The following DEPDC5 variants were observed in gnomAD, a reference collection of about 807,000 sequenced individuals.
DEPDC5 encodes DEP domain containing 5, GATOR1 subcomplex subunit.
A neutral mutation model predicts 217.3 loss-of-function variants in DEPDC5; 73 were observed. That is an observed-to-expected ratio of 0.34 (90% CI 0.28 to 0.41). The LOEUF (loss-of-function observed/expected upper bound fraction) is 0.41, where lower values mean the gene tolerates loss of function less well. Ranked by LOEUF, DEPDC5 falls within the 10% of genes least tolerant of loss-of-function variation. The pLI, the probability that DEPDC5 is intolerant of heterozygous loss-of-function variation, is 1.00. For missense variants in DEPDC5, 1,675 were observed against 2,070.1 expected (o/e 0.81, Z 3.70); for synonymous variants, 733 against 756.7 (o/e 0.97, Z 0.51).
At chr22:31,790,883 A>G (rs918024941) in intron 10 of DEPDC5, among the ~76,000 whole-genome samples, 13 of 151,574 alleles carry the variant, frequency 8.6e-5, no homozygotes, top group African/African-American at 1.9e-4. Context: ...AGTAGCTGCA[A>G]TTTCAGGCGC....
chr22:31,819,341 G>A, intron 22 of DEPDC5, 116 bp downstream of exon 22: 2 of 1,119,522 alleles, frequency 1.8e-6, no homozygotes, highest in Non-Finnish European at 2.6e-6. Flanking sequence ...TGTAAGATGG[G>A]ATAACCATGC....
At chr22:31,850,153 A>C (rs2091951867) in intron 31 of DEPDC5, among the ~76,000 whole-genome samples, 1 of 152,212 alleles carries the variant, frequency 6.6e-6, no homozygotes, top group South Asian at 2.1e-4. Flanking sequence ...GCCGGGTTTT[A>C]AATTTGAAGA....
At chr22:31,803,782 A>C (rs537289965) in intron 15 of DEPDC5, among the ~76,000 whole-genome samples, 2 of 152,182 alleles carry the variant, frequency 1.3e-5, no homozygotes, top group African/African-American at 4.8e-5. Context: ...TCCTGATGCC[A>C]CTAAAGAAGC....
chr22:31,901,880 A>C, intron 41 of DEPDC5, 78 bp downstream of exon 41: 22 of 1,369,190 alleles, frequency 1.6e-5, no homozygotes, highest in Non-Finnish European at 2.2e-5. Context: ...AGTGAAACTC[A>C]TTTTTTTAGC....
At chr22:31,769,494 C>G (rs1432902604) in intron 7 of DEPDC5, 1 of 152,110 alleles carries the variant, frequency 6.6e-6, no homozygotes, top group Non-Finnish European at 1.5e-5. Context: ...GGTTTAGAAA[C>G]ATAAAATGAC....
chr22:31,837,307 A>C (rs1298276315), intron 26 of DEPDC5, 152 bp downstream of exon 26: 2 of 729,446 alleles, frequency 2.7e-6, no homozygotes, highest in East Asian at 3.0e-5. Flanking sequence ...CCGTTAAATA[A>C]AAAATTTTAA....
At position 31,886,744 on chromosome 22, in the gene DEPDC5, C is replaced by T. The variant is rs542331405; in HGVS notation, c.4034-6838C>T. ...CACTGCACTCCCGCCTGAAAAAATA[C>T]GTCTCCATCTCAAAAAAAAAAAAAA... On this transcript the variant is annotated intron_variant, in intron 38 of 42. Coordinates refer to ENST00000651528, the MANE Select transcript of DEPDC5 (RefSeq NM_001242896.3). Among the ~76,000 whole-genome samples, 18 of 117,658 alleles carry T rather than the reference C, an allele frequency of 1.5e-4. No individual in the cohort carries two copies. In the East Asian group the frequency reaches 3.6e-3, roughly 24 times the overall value. The allele number at this position is 117,658 out of a possible 152,430, so 77.2% of individuals were successfully genotyped here.
At chr22:31,807,994 A>G (rs1199270974) in intron 18 of DEPDC5, among the ~76,000 whole-genome samples, 1 of 152,206 alleles carries the variant, frequency 6.6e-6, no homozygotes, top group Non-Finnish European at 1.5e-5. Flanking sequence ...GCCATGTCAG[A>G]TAGTGAAGTG....
intron 33 of DEPDC5, among the ~76,000 whole-genome samples, chr22:31,864,956 G>C (rs1299778340): frequency 7.1e-6 from 1 of 141,470 alleles, no homozygotes; most frequent in African/African-American, 3.2e-5. Flanking sequence ...CTCCCAAAGT[G>C]CTGGGATTAC....
intron 38 of DEPDC5, among the ~76,000 whole-genome samples, chr22:31,886,298 A>G (rs1259777995): frequency 1.3e-5 from 2 of 152,154 alleles, no homozygotes; most frequent in Non-Finnish European, 2.9e-5. Context: ...GCTGGGACTA[A>G]GGCATGAGCT....
chr22:31,838,308 C>A (rs773880652), intron 26 of DEPDC5, among the ~76,000 whole-genome samples: 1 of 151,786 alleles, frequency 6.6e-6, no homozygotes, highest in Non-Finnish European at 1.5e-5. Flanking sequence ...TTTTCTCTAT[C>A]TCTTTTATAT....
chr22:31,873,411 GT>G lies in DEPDC5; in HGVS notation c.3563+80del, dbSNP rs2092904735. Reference sequence around the variant, plus strand: ...AGCCATGTTTAGGCAGCGTGGTTTGGTAGATTTGTACATGACTGTACTTCTC... The same window carrying G: ...AGCCATGTTTAGGCAGCGTGGTTTGGAGATTTGTACATGACTGTACTTCTC... On this transcript the variant is annotated intron_variant, in intron 35 of 42. Coordinates refer to ENST00000651528, the MANE Select transcript of DEPDC5 (RefSeq NM_001242896.3). The G allele has an allele frequency of 1.3e-5, 19 of 1,512,758 alleles. No individual in the cohort carries two copies. In the East Asian group the frequency reaches 4.4e-4, roughly 35 times the overall value. 93.7% of individuals were successfully genotyped at this position (1,512,758 alleles called of 1,614,324 possible). A position where few individuals can be genotyped will look rare whatever the true frequency, so the allele number is the denominator to read the frequency against.
Position 31,906,144 on chromosome 22 carries a change from C to T in DEPDC5, c.4520-61C>T. 1 of 1,613,188 alleles carries T rather than the reference C, an allele frequency of 6.2e-7. No homozygotes were observed. The highest frequency in any genetic ancestry group is 1.1e-5 in the South Asian group (1 of 91,022). On this transcript the variant is annotated intron_variant, in intron 42 of 42. Coordinates refer to ENST00000651528, the MANE Select transcript of DEPDC5 (RefSeq NM_001242896.3). This position sits in a 1 kb window ranked among gnomAD's most constrained non-coding sequence, Gnocchi z 5.1. The stretch of plus-strand genomic sequence containing the variant: ...ACCAAGCCTATGGCTGCAGAACCAC[C>T]TCAGCAGGCTCCAGGAGCCCTCCTG...
chr22:31,756,792 G>A (rs1191639260), intron 2 of DEPDC5, among the ~76,000 whole-genome samples: 3 of 151,762 alleles, frequency 2.0e-5, no homozygotes, highest in African/African-American at 4.8e-5. Context: ...GTGGTGGTGC[G>A]TGCCTGTAAT....
intron 21 of DEPDC5, among the ~76,000 whole-genome samples, chr22:31,818,665 C>T (rs2089400210): frequency 6.6e-6 from 1 of 152,160 alleles, no homozygotes; most frequent in Non-Finnish European, 1.5e-5. Flanking sequence ...GTTCCTCCCT[C>T]TTAGAGAATA....
At chr22:31,879,387 G>A in intron 37 of DEPDC5, 138 bp from the exon 38 acceptor site, 1 of 759,072 alleles carries the variant, frequency 1.3e-6, no homozygotes, top group Non-Finnish European at 2.1e-6. Context: ...CACATAAATG[G>A]AACTATACAG....
At chr22:31,792,439 C>G (rs1403116659) in intron 11 of DEPDC5, among the ~76,000 whole-genome samples, 1 of 151,758 alleles carries the variant, frequency 6.6e-6, no homozygotes, top group Non-Finnish European at 1.5e-5. Flanking sequence ...AACCCCATCT[C>G]TACTAAAAAT....
intron 15 of DEPDC5, 133 bp from the exon 16 acceptor site, chr22:31,804,029 A>C: frequency 3.9e-6 from 3 of 764,274 alleles, no homozygotes; most frequent in Non-Finnish European, 6.5e-6. Context: ...GATAGGCAGC[A>C]CTATGAGGTT....
intron 18 of DEPDC5, 78 bp downstream of exon 18, chr22:31,806,269 C>A: frequency 7.8e-7 from 1 of 1,287,324 alleles, no homozygotes; most frequent in Non-Finnish European, 1.1e-6. Context: ...TCAATCAGTC[C>A]TCCTGTTTCA....
Sources: allele counts gnomAD v4.1 joint callset (sites outside exome capture counted in the v4.1 genomes callset), GRCh38; gene constraint gnomAD v4.1.1; non-coding constraint Gnocchi (gnomAD v3.1); transcripts MANE v1.5; gene names NCBI Gene and HGNC (gene_info 2026-07-23, HGNC 2026-07-21).